The following LIPA variants were observed in gnomAD, a reference collection of about 807,000 sequenced individuals.
LIPA encodes lipase A, lysosomal acid type.
A neutral mutation model predicts 40.6 loss-of-function variants in LIPA; 26 were observed. The ratio of observed to expected loss-of-function variants is 0.64; its 90% confidence interval spans 0.47 to 0.89. LIPA has a LOEUF of 0.89. LIPA is among the 40% of genes least tolerant of loss of function. The pLI, the probability that LIPA is intolerant of heterozygous loss-of-function variation, is 0.00. For missense variants in LIPA, 455 were observed against 479.6 expected (o/e 0.95, Z 0.48); for synonymous variants, 188 against 168.4 (o/e 1.12, Z -0.90).
intron 2 of LIPA, among the ~76,000 whole-genome samples, chr10:89,401,999 C>T (rs1293455874): frequency 6.6e-6 from 1 of 152,070 alleles, no homozygotes; most frequent in Non-Finnish European, 1.5e-5. Context: ...TTTATTAATC[C>T]TCACCAAACC....
Position 89,222,501 on chromosome 10 carries a change from G to C in LIPA, c.894+10C>G. 6.3e-7 allele frequency: 1 copy of C among 1,585,750 alleles called. No homozygotes were observed. Among genetic ancestry groups the C allele is most frequent in the Non-Finnish European group, 8.7e-7 (1 of 1,154,214 alleles). ...TACATGAACCCCAAATGCACTCCTGGAATGCCTACCTGGCTCCAGTGTAAC... is the reference window on the plus strand; with the variant it reads ...TACATGAACCCCAAATGCACTCCTGCAATGCCTACCTGGCTCCAGTGTAAC... On this transcript the variant is annotated intron_variant, in intron 8 of 9. Transcript: ENST00000336233.
At chr10:89,328,309 G>A (rs1424314069) in intron 1 of LIPA, among the ~76,000 whole-genome samples, 1 of 152,164 alleles carries the variant, frequency 6.6e-6, no homozygotes, top group Non-Finnish European at 1.5e-5. Context: ...CTACATGGGG[G>A]GAGGCAGGGT....
At chr10:89,223,925 T>A in intron 6 of LIPA, 95 bp from the exon 7 acceptor site, 1 of 1,279,568 alleles carries the variant, frequency 7.8e-7, no homozygotes, top group Non-Finnish European at 1.1e-6. Flanking sequence ...AAGTACCCAA[T>A]GTCTCCACGA....
At chr10:89,411,865 G>C (rs1361800332) in intron 2 of LIPA, among the ~76,000 whole-genome samples, 1 of 152,228 alleles carries the variant, frequency 6.6e-6, no homozygotes, top group East Asian at 1.9e-4. Context: ...CTCTGGAGTT[G>C]GGCAACATGG....
intron 1 of LIPA, among the ~76,000 whole-genome samples, chr10:89,296,399 C>A (rs1466036394): frequency 6.8e-6 from 1 of 147,802 alleles, no homozygotes; most frequent in Non-Finnish European, 1.5e-5. Context: ...GGGTGAGGCA[C>A]GAGAACTGCT....
chr10:89,313,895 C>T (rs375923092), intron 1 of LIPA, among the ~76,000 whole-genome samples: 31 of 152,066 alleles, frequency 2.0e-4, no homozygotes, highest in Admixed American at 5.9e-4. Flanking sequence ...GGGGTTGTGA[C>T]GATGGGAGAT....
chr10:89,297,912 C>A (rs1266135682), intron 1 of LIPA, among the ~76,000 whole-genome samples: 2 of 152,226 alleles, frequency 1.3e-5, no homozygotes, highest in African/African-American at 4.8e-5. Flanking sequence ...GACGCATGGC[C>A]TCTGTGCCTA....
upstream of LIPA, among the ~76,000 whole-genome samples, chr10:89,254,640 C>T (rs751547400): frequency 6.6e-6 from 1 of 152,216 alleles, no homozygotes; most frequent in Non-Finnish European, 1.5e-5. Flanking sequence ...CTGCAGCCAG[C>T]TTGAATTTCT....
chr10:89,293,839 C>T (rs1466070511), intron 1 of LIPA, among the ~76,000 whole-genome samples: 1 of 152,198 alleles, frequency 6.6e-6, no homozygotes, highest in Non-Finnish European at 1.5e-5. Context: ...TCCTCACAGG[C>T]CCTATCTCCA....
chr10:89,327,119 T>C (rs964732735), intron 1 of LIPA, among the ~76,000 whole-genome samples: 35 of 152,320 alleles, frequency 2.3e-4, no homozygotes, highest in African/African-American at 7.2e-4. Flanking sequence ...TTTGGAGACA[T>C]CCAATAGAAA....
chr10:89,302,065 TG>T (rs2133517866), intron 1 of LIPA: 1 of 1,608,814 alleles, frequency 6.2e-7, no homozygotes, highest in Non-Finnish European at 8.5e-7. Context: ...GGAAGATTTC[TG>T]AAGAGTGCAG....
chr10:89,407,127 G>C (rs1330524822), intron 2 of LIPA, among the ~76,000 whole-genome samples: 1 of 152,138 alleles, frequency 6.6e-6, no homozygotes, highest in Non-Finnish European at 1.5e-5. Context: ...TGAACCAAGG[G>C]TTGACAGGGA....
rs1040073824 is a variant in LIPA, at chr10:89,228,318, G to A, written c.310C>T (p.Leu104=). 2.5e-6 allele frequency: 4 copies of A among 1,614,088 alleles called. No individual in the cohort carries two copies. In the Admixed American group the frequency reaches 5.0e-5, roughly 20 times the overall value. The change falls in exon 4 of 10, where the codon CTG becomes TTG. Residue 104 remains leucine, a synonymous_variant. Coordinates refer to ENST00000336233, the MANE Select transcript of LIPA (RefSeq NM_000235.4). ...CCAGCATCAGCAAGAATGAAGCCCA[G>A]GCTGCTGTTGGCAAGGTTTGTGACC... ...NWVTNLANSS[L]GFILADAGFD...
intron 1 of LIPA, chr10:89,284,154 G>A (rs902520695): frequency 1.1e-4 from 16 of 152,324 alleles, no homozygotes; most frequent in African/African-American, 1.4e-4. Context: ...GTCCCTCATA[G>A]GAGGGGTTGC....
intron 1 of LIPA, chr10:89,338,123 T>C (rs1016380757): frequency 2.6e-5 from 4 of 152,674 alleles, no homozygotes; most frequent in African/African-American, 9.7e-5. Context: ...GATGGGTTTA[T>C]CAGGATATAA....
At chr10:89,261,992 G>A (rs1380348744) in intron 1 of LIPA, among the ~76,000 whole-genome samples, 1 of 152,172 alleles carries the variant, frequency 6.6e-6, no homozygotes, top group South Asian at 2.1e-4. Flanking sequence ...GTCCAGCCAT[G>A]GGAAGGGGTA....
intron 1 of LIPA, among the ~76,000 whole-genome samples, chr10:89,266,465 C>T (rs879365954): frequency 1.3e-5 from 2 of 152,108 alleles, no homozygotes; most frequent in Non-Finnish European, 2.9e-5. Flanking sequence ...ACAAAATGAT[C>T]TAAAATATTA....
chr10:89,345,531 A>AAAAT (rs3063811), upstream of LIPA, among the ~76,000 whole-genome samples: 526 of 148,704 alleles, frequency 3.5e-3, 1 homozygote, highest in Middle Eastern at 6.9e-3. Context: ...TCCATCTCAA[A>AAAAT]AAATAAATAA....
At chr10:89,343,939 C>A (rs533014685), upstream of LIPA, among the ~76,000 whole-genome samples, 2 of 152,146 alleles carry the variant, frequency 1.3e-5, no homozygotes, top group Non-Finnish European at 2.9e-5. Flanking sequence ...AAGTATCATT[C>A]GACAAACTTT....
Sources: allele counts gnomAD v4.1 joint callset (sites outside exome capture counted in the v4.1 genomes callset), GRCh38; gene constraint gnomAD v4.1.1; transcripts MANE v1.5; gene names NCBI Gene and HGNC (gene_info 2026-07-23, HGNC 2026-07-21).